SNTG1: variants seen among roughly 807,000 people sequenced by gnomAD.
SNTG1 encodes syntrophin gamma 1, also known as gamma-1-syntrophin.
SNTG1 carries 39 observed loss-of-function variants against 74.7 expected under a neutral mutation model. The observed-to-expected ratio is 0.52, with a 90% confidence interval of 0.40 to 0.68. SNTG1 has a LOEUF of 0.68. Among genes scored for constraint, SNTG1 ranks in the 30% least tolerant of loss-of-function variants. The pLI is 0.00. For synonymous variants in SNTG1, 254 were observed against 217.1 expected (o/e 1.17, Z -1.49); for missense variants, 685 against 609.5 (o/e 1.12, Z -1.30).
intron 1 of SNTG1, among the ~76,000 whole-genome samples, chr8:49,960,416 G>A (rs1810572330): frequency 6.6e-6 from 1 of 152,008 alleles, no homozygotes; most frequent in Non-Finnish European, 1.5e-5. Context: ...GTATGTTTTT[G>A]GGCCACTTAC....
intron 2 of SNTG1, among the ~76,000 whole-genome samples, chr8:50,354,015 C>T (rs1170298599): frequency 1.3e-5 from 2 of 152,280 alleles, no homozygotes; most frequent in East Asian, 3.9e-4. Flanking sequence ...CAGGGAGTTT[C>T]CCTATCTAGA....
intron 2 of SNTG1, among the ~76,000 whole-genome samples, chr8:50,208,284 CTCT>C (rs1472195687): frequency 1.3e-5 from 2 of 152,142 alleles, no homozygotes; most frequent in African/African-American, 4.8e-5. Context: ...GGATAGTTAG[CTCT>C]TCTTGTTGAA....
intron 15 of SNTG1, among the ~76,000 whole-genome samples, chr8:50,666,694 A>G (rs2095252436): frequency 6.6e-6 from 1 of 152,112 alleles, no homozygotes. Context: ...AGAAATCCCT[A>G]AAGGCTACCA....
At chr8:50,736,530 T>A (rs868795256) in intron 17 of SNTG1, among the ~76,000 whole-genome samples, 3 of 151,940 alleles carry the variant, frequency 2.0e-5, no homozygotes, top group Middle Eastern at 3.4e-3. Context: ...AGAGAGAAAA[T>A]TAACAAGGAT....
At position 50,660,358 on chromosome 8, in the gene SNTG1, A is replaced by G. The variant is rs1349465894; in HGVS notation, c.1038+1695A>G. ...AGAAAGAAAGAGAAAGAAAGAAAGA[A>G]AGAGAGAGAGAGAAAGAAGGAAGGA... On this transcript the variant is annotated intron_variant, in intron 15 of 18. Coordinates refer to ENST00000642720, the MANE Select transcript of SNTG1 (RefSeq NM_018967.5). Among the ~76,000 whole-genome samples the G allele has an allele frequency of 1.3e-4, 17 of 132,426 alleles. 1 individual carries two copies. The highest frequency in any genetic ancestry group is 5.3e-4 in the South Asian group (2 of 3,770). The allele number at this position is 132,426 out of a possible 152,430, so 86.9% of individuals were successfully genotyped here.
intron 1 of SNTG1, among the ~76,000 whole-genome samples, chr8:50,051,707 C>T (rs1819590935): frequency 6.6e-6 from 1 of 152,048 alleles, no homozygotes; most frequent in African/African-American, 2.4e-5. Flanking sequence ...GTTCTGCCAC[C>T]CAGTATTCTT....
chr8:50,733,499 A>G (rs571413300), intron 17 of SNTG1, among the ~76,000 whole-genome samples: 2 of 152,174 alleles, frequency 1.3e-5, no homozygotes, highest in South Asian at 2.1e-4. Context: ...TCTTTGATTA[A>G]TCATGAGACT....
intron 1 of SNTG1, among the ~76,000 whole-genome samples, chr8:50,114,342 T>C (rs1373983106): frequency 6.6e-6 from 1 of 152,192 alleles, no homozygotes; most frequent in Non-Finnish European, 1.5e-5. Flanking sequence ...ATGCAATAAC[T>C]TCTTAAAAAG....
Position 50,056,245 on chromosome 8 carries a change from T to C in SNTG1, c.-102-116316T>C, listed in dbSNP as rs186973867. Among the ~76,000 whole-genome samples, 417 of 152,194 alleles carry C rather than the reference T, an allele frequency of 2.7e-3. 4 individuals carry two copies. The highest frequency in any genetic ancestry group is 2.8e-3 in the Non-Finnish European group (190 of 67,984). On this transcript the variant is annotated intron_variant, in intron 1 of 18. Coordinates refer to ENST00000642720, the MANE Select transcript of SNTG1 (RefSeq NM_018967.5). ...ATTAATGAAAGACAATATGTCCTAC[T>C]ATGTTCCACAGATAAAATACCAGGA...
chr8:50,336,255 T>C (rs889314285), intron 2 of SNTG1, among the ~76,000 whole-genome samples: 2 of 152,232 alleles, frequency 1.3e-5, no homozygotes, highest in Non-Finnish European at 2.9e-5. Context: ...CTGTAGACTC[T>C]TTCCAATTGA....
chr8:50,608,757 G>A (rs1311733573), intron 13 of SNTG1, among the ~76,000 whole-genome samples: 1 of 151,738 alleles, frequency 6.6e-6, no homozygotes, highest in Non-Finnish European at 1.5e-5. Flanking sequence ...ATTTTTTCTA[G>A]ATGTTTTATG....
intron 3 of SNTG1, among the ~76,000 whole-genome samples, chr8:50,395,804 C>A (rs1045171187): frequency 6.6e-6 from 1 of 152,150 alleles, no homozygotes; most frequent in Admixed American, 6.5e-5. Context: ...AGCCACTGTG[C>A]CCGGCCCATT....
chr8:50,205,279 G>T (rs573293359), intron 2 of SNTG1, among the ~76,000 whole-genome samples: 81 of 152,244 alleles, frequency 5.3e-4, no homozygotes, highest in Non-Finnish European at 9.7e-4. Context: ...GTGTGTGATG[G>T]TATCTCATTG....
chr8:50,595,586 T>G (rs2130899871), intron 13 of SNTG1, among the ~76,000 whole-genome samples: 1 of 152,242 alleles, frequency 6.6e-6, no homozygotes, highest in Middle Eastern at 3.4e-3. Flanking sequence ...GGTTTCATTA[T>G]TGAAAGAACT....
Position 50,001,552 on chromosome 8 carries a change from T to C in SNTG1, c.-103+89321T>C, listed in dbSNP as rs185936595. Among the ~76,000 whole-genome samples the C allele has an allele frequency of 3.6e-3, 543 of 152,324 alleles. 3 individuals carry two copies. The highest frequency in any genetic ancestry group is 0.012 in the African/African-American group (517 of 41,568). ...TATTGTCTTACATACCTCTGGCTCA[T>C]TGGAACTGTGGAGGCACCAACAACT... On this transcript the variant is annotated intron_variant, in intron 1 of 18. Coordinates refer to ENST00000642720, the MANE Select transcript of SNTG1 (RefSeq NM_018967.5).
At chr8:50,023,376 T>C (rs1033007128) in intron 1 of SNTG1, among the ~76,000 whole-genome samples, 3 of 152,006 alleles carry the variant, frequency 2.0e-5, no homozygotes, top group Non-Finnish European at 2.9e-5. Context: ...AGAGAAGAGA[T>C]ATTTTAATCC....
In SNTG1 at chr8:49,969,418, A is replaced by G. The variant is rs536971598; in HGVS notation, c.-103+57187A>G. Among the ~76,000 whole-genome samples, 338 of 105,462 alleles carry G rather than the reference A, an allele frequency of 3.2e-3. 2 individuals carry two copies. Among genetic ancestry groups the G allele is most frequent in the African/African-American group, 9.9e-3 (254 of 25,528 alleles). 69.2% of individuals were successfully genotyped at this position (105,462 alleles called of 152,430 possible). ...TTTTTTTTTTTTTTTTTTTTTTGAA[A>G]TGGACTCTCTCTCTGTCGCCCAGGC... On this transcript the variant is annotated intron_variant, in intron 1 of 18. Transcript: ENST00000642720.
At chr8:50,552,772 T>C (rs1400848205) in intron 11 of SNTG1, among the ~76,000 whole-genome samples, 2 of 152,196 alleles carry the variant, frequency 1.3e-5, no homozygotes, top group Non-Finnish European at 2.9e-5. Context: ...TCTTAGATTC[T>C]CTTTTATCTA....
At chr8:50,591,242 C>G (rs971446799) in intron 13 of SNTG1, among the ~76,000 whole-genome samples, 1 of 152,032 alleles carries the variant, frequency 6.6e-6, no homozygotes, top group African/African-American at 2.4e-5. Flanking sequence ...GGGAGACCTA[C>G]TTTTAATTTA....
Sources: gnomAD v4.1 joint callset for allele counts (sites outside exome capture counted in the v4.1 genomes callset) on GRCh38, gnomAD v4.1.1 for gene constraint, MANE v1.5 for transcripts, NCBI Gene and HGNC (gene_info 2026-07-23, HGNC 2026-07-21) for gene names.